Variants in DOCK1 observed in about 807,000 individuals in gnomAD.
DOCK1 encodes dedicator of cytokinesis 1, also known as dedicator of cytokinesis protein 1.
DOCK1 carries 138 observed loss-of-function variants against 262.7 expected under a neutral mutation model. The ratio of observed to expected loss-of-function variants is 0.53; its 90% CI spans 0.46 to 0.61. The LOEUF is 0.61. Ranked by LOEUF, DOCK1 falls within the 20% of genes least tolerant of loss-of-function variation. The pLI, the probability that DOCK1 is intolerant of heterozygous loss-of-function variation, is 0.00. For synonymous variants in DOCK1, 866 were observed against 867.4 expected, an observed-to-expected ratio of 1.00 and a Z score of 0.03; for missense variants, 1,908 against 2,370.7, an observed-to-expected ratio of 0.80 and a Z score of 4.05.
chr10:127,097,625 G>T (rs1473957823), intron 23 of DOCK1, among the ~76,000 whole-genome samples: 2 of 152,150 alleles, frequency 1.3e-5, no homozygotes, highest in Non-Finnish European at 2.9e-5. Context: ...GGTAGAATCA[G>T]ACCGTCCCCC....
At chr10:127,088,773 G>A (rs926927263) in intron 23 of DOCK1, among the ~76,000 whole-genome samples, 1 of 151,814 alleles carries the variant, frequency 6.6e-6, no homozygotes, top group Admixed American at 6.5e-5. Flanking sequence ...GAATCCCATG[G>A]TTGCCAGTTG....
chr10:127,267,788 G>A (rs149485058), intron 29 of DOCK1, among the ~76,000 whole-genome samples: 2 of 152,236 alleles, frequency 1.3e-5, no homozygotes, highest in African/African-American at 4.8e-5. Flanking sequence ...ACTTTATTAT[G>A]ATCCTCCTCC....
At chr10:126,976,358 C>T (rs1033243188) in intron 2 of DOCK1, among the ~76,000 whole-genome samples, 4 of 152,200 alleles carry the variant, frequency 2.6e-5, no homozygotes, top group African/African-American at 9.7e-5. Context: ...TTCATCATAA[C>T]TGGGTCTTAG....
In DOCK1 at chr10:126,931,285, A is replaced by G. The variant is rs1032972999; in HGVS notation, c.46+25722A>G. The stretch of plus-strand genomic sequence containing the variant: ...CAGACGGGATACTTTCACTTTCTAT[A>G]AAATTAAAATGAATACCATTCCAGG... On this transcript the variant is annotated intron_variant, in intron 1 of 51. Transcript: ENST00000623213. 2.6e-3 allele frequency among the ~76,000 whole-genome samples: 398 copies of G among 152,212 alleles called. 3 individuals are homozygous for G. Among genetic ancestry groups the G allele is most frequent in the African/African-American group, 9.2e-3 (384 of 41,522 alleles).
intron 27 of DOCK1, among the ~76,000 whole-genome samples, chr10:127,160,137 G>GA (rs200473636): frequency 0.16 from 21,089 of 128,340 alleles, 1,731 homozygotes; most frequent in African/African-American, 0.25. Flanking sequence ...GGTCAGGAAA[G>GA]AAAAAAAAAA....
At chr10:127,130,192 T>G (rs749759548) in intron 27 of DOCK1, among the ~76,000 whole-genome samples, 1 of 151,460 alleles carries the variant, frequency 6.6e-6, no homozygotes, top group South Asian at 2.1e-4. Context: ...CAAGTGATTC[T>G]TGTGCCTCGG....
At chr10:127,265,624 A>G (rs1316664454) in intron 29 of DOCK1, among the ~76,000 whole-genome samples, 1 of 152,234 alleles carries the variant, frequency 6.6e-6, no homozygotes, top group Non-Finnish European at 1.5e-5. Flanking sequence ...TATGATGTCT[A>G]TGGACACCTC....
intron 27 of DOCK1, among the ~76,000 whole-genome samples, chr10:127,182,153 A>G (rs1257397336): frequency 6.6e-6 from 1 of 151,790 alleles, no homozygotes; most frequent in African/African-American, 2.4e-5. Flanking sequence ...TTGCAGTGAA[A>G]CCTCTGTCAT....
intron 29 of DOCK1, among the ~76,000 whole-genome samples, chr10:127,282,131 A>G (rs904069371): frequency 3.9e-5 from 6 of 152,170 alleles, no homozygotes; most frequent in African/African-American, 1.4e-4. Context: ...GGGTTGGACA[A>G]GCTTGGATTA....
chr10:127,408,221 C>G (rs2067634835), intron 40 of DOCK1, among the ~76,000 whole-genome samples: 1 of 152,138 alleles, frequency 6.6e-6, no homozygotes, highest in South Asian at 2.1e-4. Flanking sequence ...CTAGTCTAGC[C>G]TAGCCGTCTA....
chr10:127,088,660 G>A (rs776103110), intron 23 of DOCK1, among the ~76,000 whole-genome samples: 31 of 152,168 alleles, frequency 2.0e-4, no homozygotes, highest in Admixed American at 3.9e-4. Flanking sequence ...CTGGAAGCCG[G>A]GTTTTGGGAG....
intron 1 of DOCK1, among the ~76,000 whole-genome samples, chr10:126,932,117 C>A (rs1395533003): frequency 6.6e-6 from 1 of 152,154 alleles, no homozygotes; most frequent in South Asian, 2.1e-4. Context: ...ACTCCAGAAT[C>A]AGTATTCAGA....
intron 29 of DOCK1, among the ~76,000 whole-genome samples, chr10:127,261,243 CTG>C: frequency 1.2e-5 from 1 of 86,272 alleles, no homozygotes; most frequent in African/African-American, 4.8e-5. Context: ...GTGTGTGTAC[CTG>C]CATGTGTGTG....
At chr10:127,092,193 A>T (rs951566210) in intron 23 of DOCK1, among the ~76,000 whole-genome samples, 1 of 152,210 alleles carries the variant, frequency 6.6e-6, no homozygotes, top group Admixed American at 6.5e-5. Context: ...CCGTAGACAC[A>T]GGAGTGGCCA....
intron 27 of DOCK1, among the ~76,000 whole-genome samples, chr10:127,178,821 G>A (rs562362888): frequency 1.4e-4 from 22 of 152,308 alleles, no homozygotes; most frequent in African/African-American, 5.3e-4. Context: ...GCCTGCTCAG[G>A]AGAAAGCATC....
intron 6 of DOCK1, among the ~76,000 whole-genome samples, chr10:126,994,887 C>A (rs10764898): frequency 0.37 from 55,997 of 151,360 alleles, 10,608 homozygotes; most frequent in East Asian, 0.58. Context: ...ACTTCCCAGA[C>A]GGGGCGGCCG....
Position 126,990,604 on chromosome 10 carries a change from G to T in DOCK1, c.473+1G>T. 4 of 1,612,952 alleles carry T rather than the reference G, an allele frequency of 2.5e-6. No homozygotes were observed. The highest frequency in any genetic ancestry group is 3.4e-6 in the Non-Finnish European group (4 of 1,179,388). On this transcript the variant is annotated splice_donor_variant, in intron 6 of 51. Coordinates refer to ENST00000623213, the MANE Select transcript of DOCK1 (RefSeq NM_001290223.2). LOFTEE classifies it high-confidence loss of function. ...CAGCCAAAATTGATTATGGAAACAG[G>T]TTTGTTTATTTGAAAGATGATTTTA... is the stretch of plus-strand genomic sequence containing the variant.
chr10:127,055,262 A>T (rs1156386944), intron 22 of DOCK1, among the ~76,000 whole-genome samples: 5 of 151,864 alleles, frequency 3.3e-5, no homozygotes, highest in African/African-American at 1.2e-4. Context: ...GGCTCCTTTG[A>T]TCTCTCTGCC....
intron 27 of DOCK1, among the ~76,000 whole-genome samples, chr10:127,141,003 G>A (rs2051189233): frequency 6.6e-6 from 1 of 152,142 alleles, no homozygotes; most frequent in African/African-American, 2.4e-5. Context: ...GACCTGTGGT[G>A]GGAGTGTTGG....
Sources: allele counts gnomAD v4.1 joint callset (sites outside exome capture counted in the v4.1 genomes callset), GRCh38; gene constraint gnomAD v4.1.1; transcripts MANE v1.5; gene names NCBI Gene and HGNC (gene_info 2026-07-23, HGNC 2026-07-21).